The following NRXN3 variants were observed in gnomAD, a reference collection of about 807,000 sequenced individuals.
NRXN3 encodes the protein neurexin III.
In NRXN3, 32 loss-of-function variants were observed where a neutral mutation model predicts 137.6. The ratio of observed to expected loss-of-function variants is 0.23; its 90% CI spans 0.18 to 0.31. The LOEUF (loss-of-function observed/expected upper bound fraction) is 0.31. NRXN3 is among the 10% of genes least tolerant of loss of function. The pLI, the probability that NRXN3 is intolerant of heterozygous loss-of-function variation, is 1.00. For missense variants in NRXN3, 1,574 were observed against 2,062.5 expected (o/e 0.76, Z 4.59); for synonymous variants, 798 against 784.5 (o/e 1.02, Z -0.29).
chr14:79,852,233 CAA>C (rs1491250938), intron 20 of NRXN3, among the ~76,000 whole-genome samples: 4 of 48,752 alleles, frequency 8.2e-5, no homozygotes, highest in African/African-American at 2.3e-4. Flanking sequence ...GTTCAACTCC[CAA>C]CACACACACA....
chr14:78,481,369 T>A (rs545556389), intron 4 of NRXN3, among the ~76,000 whole-genome samples: 1 of 152,326 alleles, frequency 6.6e-6, no homozygotes, highest in South Asian at 2.1e-4. Context: ...TTTTCTTTCA[T>A]GTTTCGGATT....
intron 15 of NRXN3, among the ~76,000 whole-genome samples, chr14:79,202,625 T>C (rs1042642195): frequency 6.6e-6 from 1 of 152,176 alleles, no homozygotes; most frequent in African/African-American, 2.4e-5. Flanking sequence ...AGTGAGAACA[T>C]ACGATGTTTG....
At chr14:78,565,805 T>C (rs944602090) in intron 4 of NRXN3, among the ~76,000 whole-genome samples, 2 of 152,116 alleles carry the variant, frequency 1.3e-5, no homozygotes, top group African/African-American at 4.8e-5. Flanking sequence ...GGCAGAGGCA[T>C]TGGGGATTCA....
intron 2 of NRXN3, among the ~76,000 whole-genome samples, chr14:78,260,560 ATGT>A (rs1017186534): frequency 6.6e-6 from 1 of 152,162 alleles, no homozygotes; most frequent in Non-Finnish European, 1.5e-5. Context: ...TAATTCCCAC[ATGT>A]TGTGGAAGGG....
chr14:79,032,556 T>C (rs1389279103), intron 15 of NRXN3, among the ~76,000 whole-genome samples: 2 of 152,164 alleles, frequency 1.3e-5, no homozygotes, highest in Non-Finnish European at 2.9e-5. Context: ...GTCAATTCAC[T>C]TGTTCTGTTA....
chr14:79,380,037 T>G (rs2094420448), intron 15 of NRXN3, among the ~76,000 whole-genome samples: 1 of 151,930 alleles, frequency 6.6e-6, no homozygotes, highest in South Asian at 2.1e-4. Context: ...AGCTGCAGTA[T>G]TTGTTCAACA....
chr14:79,717,289 C>T (rs183387473), intron 19 of NRXN3, among the ~76,000 whole-genome samples: 32 of 152,334 alleles, frequency 2.1e-4, no homozygotes, highest in Non-Finnish European at 4.3e-4. Flanking sequence ...TCCAAAAGAA[C>T]CTTTTCTCTG....
At position 78,959,811 on chromosome 14, in the gene NRXN3, C is replaced by CTGT. The variant is rs369116320; in HGVS notation, c.2395+2453_2395+2455dup. On this transcript the variant is annotated intron_variant, in intron 11 of 20. Transcript: ENST00000335750. Reference sequence around the variant, plus strand: ...ATCCTGCAAAGGATAAGTCACACATCTGTTGCTCACTCCTCTGGGCTTGTC... The same window carrying CTGT: ...ATCCTGCAAAGGATAAGTCACACATCTGTTGTTGCTCACTCCTCTGGGCTTGTC... Among the ~76,000 whole-genome samples, 917 of 152,292 alleles carry CTGT rather than the reference C, an allele frequency of 6.0e-3. 18 individuals carry two copies. The highest frequency in any genetic ancestry group is 0.021 in the African/African-American group (866 of 41,550).
At chr14:78,624,431 G>C (rs920553615) in intron 4 of NRXN3, among the ~76,000 whole-genome samples, 1 of 152,234 alleles carries the variant, frequency 6.6e-6, no homozygotes, top group Non-Finnish European at 1.5e-5. Context: ...GGATGGATGA[G>C]GAGATGGAAA....
rs76067856 is a variant in NRXN3, at chr14:79,784,553, T to C, written c.4015-20559T>C. Among the ~76,000 whole-genome samples the C allele has an allele frequency of 2.3e-3, 349 of 151,738 alleles. 11 individuals carry two copies. In the East Asian group the frequency reaches 0.044, roughly 19 times the overall value. ...GCAGTTTGAAGGCAAGAGCATCTGA[T>C]CTCCAAAGAATCAGAAAATCTCTTC... is the stretch of plus-strand genomic sequence containing the variant. On this transcript the variant is annotated intron_variant, in intron 19 of 20. Transcript: ENST00000335750.
chr14:78,525,771 G>C (rs922558304), intron 4 of NRXN3, among the ~76,000 whole-genome samples: 3 of 152,176 alleles, frequency 2.0e-5, no homozygotes, highest in Non-Finnish European at 4.4e-5. Context: ...AATCAAGATG[G>C]CATTTCTCCT....
At chr14:79,801,588 TAG>T (rs2099181240) in intron 19 of NRXN3, among the ~76,000 whole-genome samples, 1 of 151,836 alleles carries the variant, frequency 6.6e-6, no homozygotes, top group Non-Finnish European at 1.5e-5. Context: ...TGAATCTACG[TAG>T]AGGAGTTGGG....
At chr14:79,018,126 G>A (rs2099582417) in intron 15 of NRXN3, among the ~76,000 whole-genome samples, 1 of 151,636 alleles carries the variant, frequency 6.6e-6, no homozygotes, top group African/African-American at 2.4e-5. Context: ...TGTGCATGGT[G>A]GTAGGCACCT....
intron 4 of NRXN3, among the ~76,000 whole-genome samples, chr14:78,639,317 AG>A (rs2097595124): frequency 6.6e-6 from 1 of 152,230 alleles, no homozygotes; most frequent in Non-Finnish European, 1.5e-5. Flanking sequence ...TGCTACAATG[AG>A]AACAATTTCG....
intron 19 of NRXN3, among the ~76,000 whole-genome samples, chr14:79,778,166 C>A (rs539284651): frequency 6.6e-6 from 1 of 152,284 alleles, no homozygotes; most frequent in African/African-American, 2.4e-5. Context: ...CCTGTAATCC[C>A]AACACTTTGG....
chr14:78,248,734 AG>A (rs2068113456), intron 2 of NRXN3, among the ~76,000 whole-genome samples: 1 of 152,138 alleles, frequency 6.6e-6, no homozygotes, highest in South Asian at 2.1e-4. Flanking sequence ...GGTGTCCTGC[AG>A]GGAAGTGGAG....
intron 16 of NRXN3, among the ~76,000 whole-genome samples, chr14:79,491,669 G>A (rs542127631): frequency 1.3e-5 from 2 of 152,194 alleles, no homozygotes; most frequent in East Asian, 3.9e-4. Flanking sequence ...GTGTGTGTGT[G>A]TGAGAGAAAG....
chr14:78,959,959 A>G (rs2152975945), intron 11 of NRXN3, among the ~76,000 whole-genome samples: 1 of 152,312 alleles, frequency 6.6e-6, no homozygotes, highest in Admixed American at 6.5e-5. Context: ...CTCCAAAAGT[A>G]TAGTCATAAA....
At chr14:79,087,915 A>G (rs1243102661) in intron 15 of NRXN3, among the ~76,000 whole-genome samples, 1 of 152,170 alleles carries the variant, frequency 6.6e-6, no homozygotes, top group African/African-American at 2.4e-5. Context: ...GTGAGAATTA[A>G]TCGCCTGCTT....
Sources: allele counts gnomAD v4.1 joint callset (sites outside exome capture counted in the v4.1 genomes callset), GRCh38; gene constraint gnomAD v4.1.1; transcripts MANE v1.5; gene names NCBI Gene and HGNC (gene_info 2026-07-23, HGNC 2026-07-21).